Variants in SLC2A10 observed in about 807,000 individuals in gnomAD.
SLC2A10 encodes the protein solute carrier family 2 member 10, also known as solute carrier family 2, facilitated glucose transporter member 10.
In SLC2A10, 25 loss-of-function variants were observed where a neutral mutation model predicts 32.1. That is an observed-to-expected ratio of 0.78 (90% CI 0.57 to 1.09). The LOEUF is 1.09. SLC2A10 is among the 50% of genes least tolerant of loss of function. The pLI is 0.00. For missense variants in SLC2A10, 673 were observed against 686.5 expected (o/e 0.98, Z 0.22); for synonymous variants, 332 against 309.6 (o/e 1.07, Z -0.76).
At chr20:46,722,695 C>CT (rs1407435872) in intron 1 of SLC2A10, among the ~76,000 whole-genome samples, 3 of 152,336 alleles carry the variant, frequency 2.0e-5, no homozygotes, top group Non-Finnish European at 4.4e-5. Context: ...TTTAAAGTTT[C>CT]TCACACTATG....
Position 46,725,927 on chromosome 20 carries a change from G to C in SLC2A10, c.891G>C (p.Arg297Ser). Residue 297 changes from arginine to serine, a missense_variant, in exon 2 of 5, where the codon AGG (arginine) becomes AGC (serine). Arg to Ser is a moderately radical substitution (Grantham distance 110). Transcript: ENST00000359271. The stretch of plus-strand genomic sequence containing the variant: ...GGCTGGTGGACCGTGCAGGCCGCAG[G>C]GCTCTGTTGCTAGCTGGCTGTGCCC... Reference protein sequence around the residue: ...AMGLVDRAGRRALLLAGCALM... With the variant: ...AMGLVDRAGRSALLLAGCALM... 6.2e-7 allele frequency: 1 copy of C among 1,614,028 alleles called. No individual in the cohort carries two copies. The highest frequency in any genetic ancestry group is 8.5e-7 in the Non-Finnish European group (1 of 1,180,028).
At chr20:46,731,838 T>C (rs190110863) in intron 4 of SLC2A10, among the ~76,000 whole-genome samples, 13 of 152,274 alleles carry the variant, frequency 8.5e-5, no homozygotes, top group Admixed American at 3.3e-4. Flanking sequence ...ACTAATGGGA[T>C]AGTCTTTTCA....
At chr20:46,709,827 G>A (rs1163915213) in intron 1 of SLC2A10, 87 bp downstream of exon 1, 2 of 1,481,724 alleles carry the variant, frequency 1.3e-6, no homozygotes, top group Non-Finnish European at 1.8e-6. Context: ...AAGAGTGCGC[G>A]CCCCCTGGCT....
In SLC2A10 at chr20:46,725,289, C is replaced by T; in HGVS notation, c.253C>T (p.Leu85=). The change falls in exon 2 of 5, where the codon CTG becomes TTG. Residue 85 remains leucine (L), a synonymous_variant. Coordinates refer to ENST00000359271, the MANE Select transcript of SLC2A10 (RefSeq NM_030777.4). ...KQAILGSNLV[L]LAGSLTLGLA... is the part of the protein sequence containing the mutation. ...AGCCATCCTCGGGAGCAACTTGGTGCTGCTGGCAGGCAGCCTGACCCTGGG... is the reference window on the plus strand; with the variant it reads ...AGCCATCCTCGGGAGCAACTTGGTGTTGCTGGCAGGCAGCCTGACCCTGGG... 1 of 1,614,160 alleles carries T rather than the reference C, an allele frequency of 6.2e-7. No individual in the cohort carries two copies.
chr20:46,714,961 C>G (rs1979147404), intron 1 of SLC2A10, among the ~76,000 whole-genome samples: 1 of 152,190 alleles, frequency 6.6e-6, no homozygotes, highest in Non-Finnish European at 1.5e-5. Flanking sequence ...CCGCACCTAT[C>G]TCTGATTGAC....
chr20:46,732,909 G>A (rs1233330527), intron 4 of SLC2A10, among the ~76,000 whole-genome samples: 3 of 152,166 alleles, frequency 2.0e-5, no homozygotes, highest in East Asian at 1.9e-4. Context: ...AAGAGCAAAG[G>A]CCCGGAGGTG....
Position 46,734,409 on chromosome 20 carries a change from G to T in SLC2A10, c.*575G>T. ...TTCTTGTGCCTCAGCCTCCTAAGCA[G>T]CTGGGACTACAGGCGCATGCAACCA... On this transcript the variant is annotated 3_prime_UTR_variant, in exon 5 of 5. Transcript: ENST00000359271. 5.9e-6 allele frequency: 1 copy of T among 168,168 alleles called. No homozygotes were observed. Among genetic ancestry groups the T allele is most frequent in the Non-Finnish European group, 1.3e-5 (1 of 77,644 alleles). 10.4% of individuals were successfully genotyped at this position (168,168 alleles called of 1,614,324 possible).
intron 4 of SLC2A10, 50 bp downstream of exon 4, chr20:46,729,538 A>C: frequency 6.2e-7 from 1 of 1,602,172 alleles, no homozygotes; most frequent in Non-Finnish European, 8.5e-7. Flanking sequence ...GCACACCCCA[A>C]GCACACAGCT....
chr20:46,729,482 A>G lies in SLC2A10; in HGVS notation c.1541A>G (p.Lys514Arg), dbSNP rs41283344. ...SLAEIDQQFQ[K>R]RRFTLSFGHR... ...GCAGAGATAGACCAGCAGTTCCAGA[A>G]GAGACGGTAGGAAGCTGACAGGGTG... Residue 514 changes from lysine (K) to arginine (R), a missense_variant, in exon 4 of 5, where the codon AAG becomes AGG. Coordinates refer to ENST00000359271, the MANE Select transcript of SLC2A10 (RefSeq NM_030777.4). The G allele has an allele frequency of 0.011, 17,726 of 1,614,048 alleles. 1,571 individuals carry two copies. The African/African-American group carries it at 0.2, about 18-fold the overall frequency.
intron 1 of SLC2A10, among the ~76,000 whole-genome samples, chr20:46,710,780 T>A (rs929610694): frequency 1.3e-5 from 2 of 152,184 alleles, no homozygotes; most frequent in Non-Finnish European, 2.9e-5. Context: ...CAGGGCTTTG[T>A]AAGCCGTGGT....
rs949322045 is a variant in SLC2A10, at chr20:46,724,583, ATAGT to A, written c.5-455_5-452del. Among the ~76,000 whole-genome samples the A allele has an allele frequency of 3.6e-3, 544 of 151,832 alleles. 3 individuals carry two copies. The highest frequency in any genetic ancestry group is 0.013 in the African/African-American group (520 of 41,376). ...ATGGAGTGGATGGAAGAATGGATGG[ATAGT>A]TAAATGGATGATTGAACAGATGGTG... On this transcript the variant is annotated intron_variant, in intron 1 of 4. Coordinates refer to ENST00000359271, the MANE Select transcript of SLC2A10 (RefSeq NM_030777.4).
At chr20:46,730,357 G>C (rs1980229944) in intron 4 of SLC2A10, among the ~76,000 whole-genome samples, 1 of 152,156 alleles carries the variant, frequency 6.6e-6, no homozygotes, top group Non-Finnish European at 1.5e-5. Flanking sequence ...TTGGTGATGA[G>C]TAATTAGGAG....
chr20:46,726,978 A>G lies in SLC2A10; in HGVS notation c.1403A>G (p.Asp468Gly), dbSNP rs776612935. 9.3e-6 allele frequency: 15 copies of G among 1,614,054 alleles called. No individual in the cohort carries two copies. The highest frequency in any genetic ancestry group is 1.2e-5 in the Non-Finnish European group (14 of 1,180,044). Residue 468 changes from aspartate (D) to glycine (G), a missense_variant, in exon 3 of 5, where the codon GAT becomes GGT. Transcript: ENST00000359271. ...ANLFISLSFL[D>G]LIGTIGLSWT... is the part of the protein sequence containing the mutation. ...CTCTTCATCAGCCTCTCCTTCCTCG[A>G]TCTCATTGGTGAGTCCTTCCCAGAC...
chr20:46,728,183 C>T (rs1470461819), intron 3 of SLC2A10, among the ~76,000 whole-genome samples: 1 of 152,112 alleles, frequency 6.6e-6, no homozygotes, highest in African/African-American at 2.4e-5. Flanking sequence ...GAAAATACAT[C>T]CTTACCCCGT....
intron 4 of SLC2A10, among the ~76,000 whole-genome samples, chr20:46,730,951 G>A (rs1355458556): frequency 1.3e-5 from 2 of 152,206 alleles, no homozygotes; most frequent in Non-Finnish European, 1.5e-5. Context: ...TGCACTGGCT[G>A]CTAAGCCCCA....
At chr20:46,727,583 TG>T (rs1330300556) in intron 3 of SLC2A10, among the ~76,000 whole-genome samples, 1 of 152,174 alleles carries the variant, frequency 6.6e-6, no homozygotes, top group Non-Finnish European at 1.5e-5. Flanking sequence ...CCCAAAGTGC[TG>T]GGATTACGGG....
In SLC2A10 at chr20:46,734,422, G is replaced by T. The variant is rs1980469101; in HGVS notation, c.*588G>T. 6.1e-6 allele frequency: 1 copy of T among 164,934 alleles called. No individual in the cohort carries two copies. Among genetic ancestry groups the T allele is most frequent in the Non-Finnish European group, 1.3e-5 (1 of 75,688 alleles). The allele number at this position is 164,934 out of a possible 1,614,324, so 10.2% of individuals were successfully genotyped here. Reference sequence around the variant, plus strand: ...GCCTCCTAAGCAGCTGGGACTACAGGCGCATGCAACCATACCCAGCTAATT... The same window carrying T: ...GCCTCCTAAGCAGCTGGGACTACAGTCGCATGCAACCATACCCAGCTAATT... On this transcript the variant is annotated 3_prime_UTR_variant, in exon 5 of 5. Coordinates refer to ENST00000359271, the MANE Select transcript of SLC2A10 (RefSeq NM_030777.4).
intron 1 of SLC2A10, among the ~76,000 whole-genome samples, chr20:46,717,666 C>T (rs548105011): frequency 2.5e-4 from 38 of 152,222 alleles, no homozygotes; most frequent in Admixed American, 2.0e-3. Context: ...ATTATAGGTG[C>T]GAGCCACCAC....
Position 46,709,666 on chromosome 20 carries a change from T to A in SLC2A10, c.-71T>A, listed in dbSNP as rs972630903. ...GAAAGTTTGTCCGGCGGCAGCGGCGTTGGGGACTCCGGCGGGGGATGCGCG... is the reference window on the plus strand; with the variant it reads ...GAAAGTTTGTCCGGCGGCAGCGGCGATGGGGACTCCGGCGGGGGATGCGCG... On this transcript the variant is annotated 5_prime_UTR_variant, in exon 1 of 5. It adds an upstream start codon to the 5' untranslated region. Transcript: ENST00000359271. 1 of 1,523,028 alleles carries A rather than the reference T, an allele frequency of 6.6e-7. No homozygotes were observed. The highest frequency in any genetic ancestry group is 1.2e-5 in the South Asian group (1 of 82,002). 94.3% of individuals were successfully genotyped at this position (1,523,028 alleles called of 1,614,324 possible). A position where few individuals can be genotyped will look rare whatever the true frequency, so the allele number is the denominator to read the frequency against.
Sources: gnomAD v4.1 joint callset for allele counts (sites outside exome capture counted in the v4.1 genomes callset) on GRCh38, gnomAD v4.1.1 for gene constraint, MANE v1.5 for transcripts, NCBI Gene and HGNC (gene_info 2026-07-23, HGNC 2026-07-21) for gene names.